Variants in STK32A observed in about 807,000 individuals in gnomAD.
STK32A encodes serine/threonine kinase 32A.
Under a neutral mutation model 53.2 loss-of-function variants are expected in STK32A, and 41 were observed. The ratio of observed to expected loss-of-function variants is 0.77; its 90% CI spans 0.60 to 1.00. The LOEUF is 1.00. Among genes scored for constraint, STK32A ranks in the 50% least tolerant of loss-of-function variants. STK32A has a pLI of 0.00. For synonymous variants in STK32A, 166 were observed against 162.8 expected (o/e 1.02, Z -0.15); for missense variants, 458 against 485.8 (o/e 0.94, Z 0.54).
At chr5:147,394,267 C>G in the STK32A span, 5 of 804,278 alleles carry the variant, frequency 6.2e-6, no homozygotes, top group East Asian at 1.3e-4. Flanking sequence ...AACTTCCATT[C>G]CAGTCTATCA....
rs965140597 is a variant in STK32A, at chr5:147,319,203, C to T, written c.261-4695C>T. ...TGTCGCCCAGGCTGGAGTGCAGTGG[C>T]GTGATCTTGGCTCACTGCAAGCTCC... On this transcript the variant is annotated intron_variant, in intron 4 of 12. Coordinates refer to ENST00000397936, the MANE Select transcript of STK32A (RefSeq NM_001112724.2). Among the ~76,000 whole-genome samples the T allele has an allele frequency of 5.6e-5, 8 of 142,786 alleles. No individual in the cohort carries two copies. The South Asian group carries it at 6.5e-4, about 12-fold the overall frequency. 93.7% of individuals were successfully genotyped at this position (142,786 alleles called of 152,430 possible).
At chr5:147,260,033 T>C (rs1200524274) in intron 2 of STK32A, among the ~76,000 whole-genome samples, 2 of 129,196 alleles carry the variant, frequency 1.5e-5, no homozygotes, top group Non-Finnish European at 3.0e-5. Context: ...CCTCTCTCTT[T>C]CTCTCTCCTG....
At chr5:147,380,843 T>C (rs556043223) in intron 11 of STK32A, among the ~76,000 whole-genome samples, 10 of 152,360 alleles carry the variant, frequency 6.6e-5, no homozygotes, top group African/African-American at 2.2e-4. Context: ...AAAATCCAGG[T>C]AGAACCTCCA....
Position 147,279,281 on chromosome 5 carries a change from T to C in STK32A, c.143T>C (p.Met48Thr), listed in dbSNP as rs747039579. ...CIVQKNDTKK[M>T]YAMKYMNKQK... ...GTACAGAAGAATGATACCAAGAAGA[T>C]GTACGCAATGAAGTACATGAATAAA... is the stretch of plus-strand genomic sequence containing the variant. Residue 48 changes from methionine (M) to threonine (T), a missense_variant, in exon 4 of 13, where the codon ATG becomes ACG. By Grantham distance (81) the Met-to-Thr change is moderately conservative. Coordinates refer to ENST00000397936, the MANE Select transcript of STK32A (RefSeq NM_001112724.2). 2 of 1,613,958 alleles carry C rather than the reference T, an allele frequency of 1.2e-6. No homozygotes were observed. Among genetic ancestry groups the C allele is most frequent in the East Asian group, 4.5e-5 (2 of 44,882 alleles).
At chr5:147,365,589 A>C (rs776192498) in intron 8 of STK32A, among the ~76,000 whole-genome samples, 7 of 152,116 alleles carry the variant, frequency 4.6e-5, no homozygotes, top group Non-Finnish European at 8.8e-5. Context: ...ACACTTACTT[A>C]AAAGTAGAAA....
intron 11 of STK32A, chr5:147,375,667 A>C (rs529721279): frequency 6.5e-6 from 1 of 153,968 alleles, no homozygotes; most frequent in South Asian, 2.0e-4. Context: ...TGCCACAAGC[A>C]GAATTTTATG....
chr5:147,251,578 C>A (rs1754001543), intron 2 of STK32A, among the ~76,000 whole-genome samples: 1 of 152,156 alleles, frequency 6.6e-6, no homozygotes, highest in South Asian at 2.1e-4. Flanking sequence ...AACCAGAATG[C>A]ATATATAAAA....
At chr5:147,291,776 C>G (rs1367909031) in intron 4 of STK32A, among the ~76,000 whole-genome samples, 7 of 152,100 alleles carry the variant, frequency 4.6e-5, no homozygotes, top group African/African-American at 1.4e-4. Context: ...TTCTTCTGAA[C>G]CATAATTTCT....
At chr5:147,247,106 A>T (rs1174345808) in intron 2 of STK32A, among the ~76,000 whole-genome samples, 2 of 152,238 alleles carry the variant, frequency 1.3e-5, no homozygotes, top group African/African-American at 4.8e-5. Context: ...TCTGCAAGCC[A>T]GTTTCATTAT....
At chr5:147,325,672 G>A (rs1471961548) in intron 5 of STK32A, among the ~76,000 whole-genome samples, 12 of 152,242 alleles carry the variant, frequency 7.9e-5, no homozygotes, top group Non-Finnish European at 1.0e-4. Context: ...AAGCAGACCA[G>A]TTAATTACGT....
At chr5:147,310,276 T>C (rs1297718313) in intron 4 of STK32A, among the ~76,000 whole-genome samples, 1 of 152,154 alleles carries the variant, frequency 6.6e-6, no homozygotes, top group Non-Finnish European at 1.5e-5. Context: ...GCATTAAAAG[T>C]AGAGAGCCTG....
At chr5:147,369,067 A>C (rs989478781) in intron 8 of STK32A, among the ~76,000 whole-genome samples, 5 of 152,164 alleles carry the variant, frequency 3.3e-5, no homozygotes, top group African/African-American at 1.2e-4. Context: ...ATTACCAATA[A>C]ACATTGATAA....
intron 2 of STK32A, among the ~76,000 whole-genome samples, chr5:147,250,140 G>A (rs978317791): frequency 6.6e-6 from 1 of 152,106 alleles, no homozygotes; most frequent in African/African-American, 2.4e-5. Flanking sequence ...GGATGACTGT[G>A]ACATTTTACT....
intron 2 of STK32A, among the ~76,000 whole-genome samples, chr5:147,267,477 A>G (rs1228236604): frequency 1.3e-5 from 2 of 152,236 alleles, no homozygotes; most frequent in Non-Finnish European, 2.9e-5. Flanking sequence ...ATATCTATAA[A>G]GTAGCAATAA....
intron 2 of STK32A, among the ~76,000 whole-genome samples, chr5:147,242,199 AT>A: frequency 6.6e-6 from 1 of 152,188 alleles, no homozygotes; most frequent in Non-Finnish European, 1.5e-5. Flanking sequence ...TAAAGGAAAG[AT>A]CTGAGCATAG....
At position 147,259,901 on chromosome 5, in the gene STK32A, T is replaced by C. The variant is rs111066718; in HGVS notation, c.53-18223T>C. Among the ~76,000 whole-genome samples, 151 of 123,902 alleles carry C rather than the reference T, an allele frequency of 1.2e-3. 1 individual carries two copies. Among genetic ancestry groups the C allele is most frequent in the African/African-American group, 4.6e-3 (104 of 22,676 alleles). 81.3% of individuals were successfully genotyped at this position (123,902 alleles called of 152,430 possible). A position where few individuals can be genotyped will look rare whatever the true frequency, so the allele number is the denominator to read the frequency against. Reference sequence around the variant, plus strand: ...CTCCTGTCTCTCTCTTTCTCTCTCCTCTCTCTCTCTCCCCTCTTGTCTCTC... The same window carrying C: ...CTCCTGTCTCTCTCTTTCTCTCTCCCCTCTCTCTCTCCCCTCTTGTCTCTC... On this transcript the variant is annotated intron_variant, in intron 2 of 12. Transcript: ENST00000397936.
intron 4 of STK32A, among the ~76,000 whole-genome samples, chr5:147,307,624 CAAAAAAAA>C (rs34762967): frequency 1.3e-5 from 1 of 75,298 alleles, no homozygotes; most frequent in South Asian, 4.8e-4. Context: ...GACGCTGTCT[CAAAAAAAA>C]AAAAAAAAAA....
At chr5:147,275,106 C>T (rs897917445) in intron 2 of STK32A, among the ~76,000 whole-genome samples, 1 of 152,218 alleles carries the variant, frequency 6.6e-6, no homozygotes, top group Admixed American at 6.5e-5. Context: ...CACTATTCCA[C>T]ATTCCCCTTA....
chr5:147,239,440 A>G (rs1753469286), intron 1 of STK32A, 99 bp from the exon 2 acceptor site: 2 of 471,908 alleles, frequency 4.2e-6, no homozygotes, highest in South Asian at 4.9e-5. Flanking sequence ...AGTTTTCACT[A>G]CAGTGATACA....
Sources: allele counts gnomAD v4.1 joint callset (sites outside exome capture counted in the v4.1 genomes callset), GRCh38; gene constraint gnomAD v4.1.1; transcripts MANE v1.5; gene names NCBI Gene and HGNC (gene_info 2026-07-23, HGNC 2026-07-21).